Variants in ANKFN1 observed in about 807,000 individuals in gnomAD.
ANKFN1 encodes the protein ankyrin repeat and fibronectin type III domain containing 1, also known as ankyrin repeat and fibronectin type-III domain-containing protein 1.
Under a neutral mutation model 108.7 loss-of-function variants are expected in ANKFN1, and 74 were observed. The ratio of observed to expected loss-of-function variants is 0.68; its 90% confidence interval spans 0.56 to 0.83. The LOEUF (loss-of-function observed/expected upper bound fraction) is 0.83. ANKFN1 is among the 40% of genes least tolerant of loss of function. The pLI is 0.00. For synonymous variants in ANKFN1, 547 were observed against 516.2 expected (o/e 1.06, Z -0.81); for missense variants, 1,505 against 1,382.3 (o/e 1.09, Z -1.41).
chr17:56,510,595 G>C lies in ANKFN1; in HGVS notation c.2767G>C (p.Asp923His). Residue 923 changes from aspartate to histidine, a missense_variant, in exon 21 of 21, where the codon GAC (aspartate) becomes CAC (histidine). Asp to His is a moderately conservative substitution (Grantham distance 81, BLOSUM62 -1). Transcript: ENST00000682825. Reference sequence around the variant, plus strand: ...GGACCTGGTCTACCTATCATCTCACGACATTGCGCAGCAGACCCTTAGCGG... The same window carrying C: ...GGACCTGGTCTACCTATCATCTCACCACATTGCGCAGCAGACCCTTAGCGG... Reference protein sequence around the residue: ...DLDLVYLSSHDIAQQTLSGLS... With the variant: ...DLDLVYLSSHHIAQQTLSGLS... 1 of 1,536,138 alleles carries C rather than the reference G, an allele frequency of 6.5e-7. No homozygotes were observed. Among genetic ancestry groups the C allele is most frequent in the Non-Finnish European group, 8.7e-7 (1 of 1,146,922 alleles).
intron 11 of ANKFN1, 27 bp from the exon 12 acceptor site, chr17:56,456,834 T>C (rs2049721515): frequency 2.5e-6 from 4 of 1,586,968 alleles, no homozygotes; most frequent in Non-Finnish European, 3.5e-6. Context: ...GTGGAATTTA[T>C]ACTGTATTTT....
chr17:56,117,050 A>G lies in ANKFN1; in HGVS notation c.288+70725A>G, dbSNP rs1270016497. ...CTCCTCAGACAGGTCCATCTTGACC[A>G]CTTTATCTAAAATAGCTCCTGTTCT... On this transcript the variant is annotated intron_variant, in intron 4 of 12. Coordinates refer to the ANKFN1 transcript ENST00000635860. Among the ~76,000 whole-genome samples, 3 of 152,160 alleles carry G rather than the reference A, an allele frequency of 2.0e-5. No homozygotes were observed. The East Asian group carries it at 5.8e-4, about 29-fold the overall frequency.
chr17:56,420,172 G>A (rs555760074), intron 8 of ANKFN1, among the ~76,000 whole-genome samples: 1 of 152,262 alleles, frequency 6.6e-6, no homozygotes, highest in East Asian at 1.9e-4. Flanking sequence ...CTGCATAGAT[G>A]AATAGATGGA....
At chr17:56,199,729 G>A (rs60717713) in intron 1 of ANKFN1, among the ~76,000 whole-genome samples, 1 of 152,094 alleles carries the variant, frequency 6.6e-6, no homozygotes, top group Non-Finnish European at 1.5e-5. Context: ...GACACCCAGT[G>A]AAATCTGAAT....
intron 4 of ANKFN1, among the ~76,000 whole-genome samples, chr17:56,100,897 G>C (rs1488856377): frequency 6.6e-6 from 1 of 152,150 alleles, no homozygotes; most frequent in African/African-American, 2.4e-5. Context: ...CTTTAGAGAG[G>C]GTTCTGTACC....
chr17:56,426,191 T>C (rs1055611913), intron 8 of ANKFN1, among the ~76,000 whole-genome samples: 2 of 152,240 alleles, frequency 1.3e-5, no homozygotes, highest in African/African-American at 4.8e-5. Context: ...TCCTGGTCAA[T>C]GACCTTCCTG....
intron 1 of ANKFN1, among the ~76,000 whole-genome samples, chr17:56,165,696 A>T (rs969549292): frequency 6.6e-5 from 10 of 152,082 alleles, no homozygotes; most frequent in African/African-American, 2.4e-4. Flanking sequence ...GAAACAATCA[A>T]CTTTAGCCTG....
chr17:56,048,558 A>G (rs929254234), intron 4 of ANKFN1, among the ~76,000 whole-genome samples: 7 of 152,056 alleles, frequency 4.6e-5, no homozygotes, highest in Non-Finnish European at 1.0e-4. Flanking sequence ...AGTCCTAGTG[A>G]GCCAAGCATT....
intron 8 of ANKFN1, among the ~76,000 whole-genome samples, chr17:56,418,405 G>A (rs2048302862): frequency 6.6e-6 from 1 of 152,078 alleles, no homozygotes; most frequent in Non-Finnish European, 1.5e-5. Context: ...TTTAAGAGAA[G>A]CCCCTTTGTT....
At chr17:56,463,109 C>T (rs769085296) in intron 14 of ANKFN1, among the ~76,000 whole-genome samples, 10 of 152,116 alleles carry the variant, frequency 6.6e-5, no homozygotes, top group South Asian at 2.1e-4. Context: ...AAATAGTAAC[C>T]GTGAAGTGAC....
At chr17:56,268,261 A>C (rs2043705358) in intron 3 of ANKFN1, among the ~76,000 whole-genome samples, 1 of 152,206 alleles carries the variant, frequency 6.6e-6, no homozygotes, top group South Asian at 2.1e-4. Context: ...ATAAAAATAG[A>C]AATCAATACC....
At chr17:56,150,016 CTT>C (rs1260674314), upstream of ANKFN1, among the ~76,000 whole-genome samples, 1 of 152,228 alleles carries the variant, frequency 6.6e-6, no homozygotes. Context: ...ATCACCCTCT[CTT>C]TTGCTGAGTA....
intron 3 of ANKFN1, among the ~76,000 whole-genome samples, chr17:56,280,814 G>A (rs2044060785): frequency 6.6e-6 from 1 of 152,148 alleles, no homozygotes; most frequent in African/African-American, 2.4e-5. Flanking sequence ...GGCTAACATG[G>A]TTTGGCTATG....
intron 5 of ANKFN1, among the ~76,000 whole-genome samples, chr17:56,352,984 G>A (rs924971707): frequency 6.6e-6 from 1 of 152,106 alleles, no homozygotes; most frequent in African/African-American, 2.4e-5. Flanking sequence ...GAAAAACAGA[G>A]AAAGTGTACT....
chr17:56,188,068 C>T (rs528260576), intron 1 of ANKFN1, among the ~76,000 whole-genome samples: 1 of 152,098 alleles, frequency 6.6e-6, no homozygotes, highest in African/African-American at 2.4e-5. Flanking sequence ...TACCCTAGAA[C>T]TTAAAGTATA....
At chr17:56,095,469 T>C (rs929655069) in intron 4 of ANKFN1, among the ~76,000 whole-genome samples, 2 of 150,906 alleles carry the variant, frequency 1.3e-5, no homozygotes, top group African/African-American at 4.9e-5. Flanking sequence ...TTTTTGCGTC[T>C]TTTTGTTGTT....
intron 20 of ANKFN1, among the ~76,000 whole-genome samples, chr17:56,501,257 C>A (rs1459614174): frequency 2.6e-5 from 4 of 152,156 alleles, no homozygotes; most frequent in African/African-American, 9.7e-5. Context: ...TTCTGCTGGT[C>A]ATAGTAAAAA....
chr17:56,280,008 C>CTT (rs3086033), intron 3 of ANKFN1, among the ~76,000 whole-genome samples: 2,600 of 134,798 alleles, frequency 0.019, 138 homozygotes, highest in African/African-American at 0.07. Context: ...CACATAATGT[C>CTT]TTTTTTTTTT....
At chr17:56,358,279 T>C (rs2046424919) in intron 6 of ANKFN1, among the ~76,000 whole-genome samples, 1 of 152,218 alleles carries the variant, frequency 6.6e-6, no homozygotes, top group Admixed American at 6.5e-5. Flanking sequence ...ACATCCTCTG[T>C]AGTTTTCTCC....
Sources: gnomAD v4.1 joint callset for allele counts (sites outside exome capture counted in the v4.1 genomes callset) on GRCh38, gnomAD v4.1.1 for gene constraint, MANE v1.5 for transcripts, NCBI Gene and HGNC (gene_info 2026-07-23, HGNC 2026-07-21) for gene names.